Variants in PXMP2 observed in about 807,000 individuals in gnomAD.
PXMP2 encodes 22 kDa peroxisomal membrane protein.
PXMP2 carries 13 observed loss-of-function variants against 20.2 expected under a neutral mutation model. The observed-to-expected ratio is 0.64, with a 90% CI of 0.42 to 1.02. PXMP2 has a LOEUF of 1.02. PXMP2 is among the 50% of genes least tolerant of loss of function. The pLI is 0.00. For synonymous variants in PXMP2, 113 were observed against 111.2 expected (o/e 1.02, Z -0.10); for missense variants, 284 against 251.8 (o/e 1.13, Z -0.87).
chr12:132,687,842 C>T (rs1565987621), intron 1 of PXMP2, 50 bp downstream of exon 1: 1 of 1,116,050 alleles, frequency 9.0e-7, no homozygotes, highest in Non-Finnish European at 1.1e-6. Flanking sequence ...AGGTCGGCCG[C>T]AGCGGCGCGG....
chr12:132,692,540 G>T (rs61952124), intron 2 of PXMP2, among the ~76,000 whole-genome samples: 3,599 of 54,864 alleles, frequency 0.066, 69 homozygotes, highest in Non-Finnish European at 0.098. Flanking sequence ...GTTAGTGAGC[G>T]CCCTTGCCAG....
At position 132,687,732 on chromosome 12, in the gene PXMP2, C is replaced by G; in HGVS notation, c.62C>G (p.Ala21Gly). Reference sequence around the variant, plus strand: ...GGGCTCGGGGCGCTGCCGCGGCGGGCGCTCGCCCAGTACCTGCTCTTCCTG... The same window carrying G: ...GGGCTCGGGGCGCTGCCGCGGCGGGGGCTCGCCCAGTACCTGCTCTTCCTG... ...EAGLGALPRRALAQYLLFLRL... is the reference protein window; with the variant it reads ...EAGLGALPRRGLAQYLLFLRL... The change falls in exon 1 of 5, where the codon GCG becomes GGG. Residue 21 changes from alanine (A) to glycine (G), a missense_variant. Physicochemically the swap from Ala to Gly is moderately conservative, Grantham distance 60. Transcript: ENST00000317479. The G allele has an allele frequency of 1.6e-6, 2 of 1,217,152 alleles. No homozygotes were observed. Among genetic ancestry groups the G allele is most frequent in the South Asian group, 2.7e-5 (1 of 36,926 alleles). 75.4% of individuals were successfully genotyped at this position (1,217,152 alleles called of 1,614,324 possible). A position where few individuals can be genotyped will look rare whatever the true frequency, so the allele number is the denominator to read the frequency against.
At chr12:132,691,037 C>T (rs912919446) in intron 2 of PXMP2, among the ~76,000 whole-genome samples, 10 of 148,960 alleles carry the variant, frequency 6.7e-5, no homozygotes, top group Non-Finnish European at 1.5e-4. Context: ...CAGTTAGTTT[C>T]TATTGTTATT....
intron 2 of PXMP2, among the ~76,000 whole-genome samples, chr12:132,692,752 TGAGCTCCCTTAGC>T (rs1469393673): frequency 3.5e-4 from 40 of 113,398 alleles, no homozygotes; most frequent in South Asian, 6.5e-4. Context: ...AGCCAGTTAG[TGAGCTCCCTTAGC>T]TAGTTAGAGA....
chr12:132,699,797 G>T (rs931128687), intron 3 of PXMP2, among the ~76,000 whole-genome samples: 1 of 152,022 alleles, frequency 6.6e-6, no homozygotes, highest in South Asian at 2.1e-4. Flanking sequence ...TTGATTCCAC[G>T]TGTTTGCTGT....
chr12:132,692,941 G>T (rs1377324519), intron 2 of PXMP2, among the ~76,000 whole-genome samples: 12 of 84,022 alleles, frequency 1.4e-4, no homozygotes, highest in East Asian at 6.3e-4. Context: ...GTTAGTGAGC[G>T]CCCTTGCCAG....
intron 3 of PXMP2, among the ~76,000 whole-genome samples, chr12:132,698,250 T>A (rs1040352355): frequency 3.3e-5 from 5 of 152,166 alleles, no homozygotes; most frequent in African/African-American, 1.2e-4. Flanking sequence ...GACCTCGTGA[T>A]CCACCCGCCT....
chr12:132,689,572 G>A (rs766946299), intron 1 of PXMP2, among the ~76,000 whole-genome samples: 11 of 152,186 alleles, frequency 7.2e-5, no homozygotes, highest in African/African-American at 2.4e-4. Context: ...GGATCTGATC[G>A]AGAAGGTGTC....
intron 2 of PXMP2, among the ~76,000 whole-genome samples, chr12:132,692,346 C>G (rs568717068): frequency 3.2e-5 from 4 of 126,536 alleles, no homozygotes; most frequent in East Asian, 2.2e-4. Flanking sequence ...AGTGAGCGCC[C>G]TTAGCCAGTT....
chr12:132,694,690 A>AGCCAGTTAGTGAGCTCCTTT (rs2043399124), intron 2 of PXMP2, among the ~76,000 whole-genome samples: 1 of 120,242 alleles, frequency 8.3e-6, no homozygotes, highest in South Asian at 3.0e-4. Flanking sequence ...GAGCTCCCTT[A>AGCCAGTTAGTGAGCTCCTTT]GCCAGTTAGT....
rs762278243 is a variant in PXMP2 at position 132,687,751 on chromosome 12, C to T, written c.81C>T (p.Leu27=). 25 of 1,218,258 alleles carry T rather than the reference C, an allele frequency of 2.1e-5. No individual in the cohort carries two copies. The highest frequency in any genetic ancestry group is 4.8e-5 in the African/African-American group (3 of 62,490). The allele number at this position is 1,218,258 out of a possible 1,614,324, so 75.5% of individuals were successfully genotyped here. Residue 27 remains leucine, a synonymous_variant, in exon 1 of 5, where the codon CTC becomes CTT. Transcript: ENST00000317479. ...GGCGGGCGCTCGCCCAGTACCTGCT[C>T]TTCCTGCGGCTCTACCCGGTGCTCA... ...LPRRALAQYL[L]FLRLYPVLTK...
chr12:132,690,477 A>AT, intron 2 of PXMP2, 101 bp downstream of exon 2: 1 of 890,462 alleles, frequency 1.1e-6, no homozygotes, highest in South Asian at 1.7e-5. Flanking sequence ...TGGAAATATA[A>AT]TTTTTTAAAA....
chr12:132,687,629 AG>A lies in PXMP2; in HGVS notation c.-40del. On this transcript the variant is annotated 5_prime_UTR_variant, in exon 1 of 5. Coordinates refer to ENST00000317479, the MANE Select transcript of PXMP2 (RefSeq NM_018663.3). Reference sequence around the variant, plus strand: ...TCGGGCTCCGCGCCCGGCCAGCCTGAGGTGGGGTCGGTGCCCCCGGCGGCAC... The same window carrying A: ...TCGGGCTCCGCGCCCGGCCAGCCTGAGTGGGGTCGGTGCCCCCGGCGGCAC... 2.6e-6 allele frequency: 3 copies of A among 1,157,882 alleles called. No individual in the cohort carries two copies. The highest frequency in any genetic ancestry group is 2.1e-6 in the Non-Finnish European group (2 of 941,348). 71.7% of individuals were successfully genotyped at this position (1,157,882 alleles called of 1,614,324 possible).
chr12:132,687,788 AC>A lies in PXMP2; in HGVS notation c.120del (p.Ser41ValfsTer14). The A allele has an allele frequency of 8.6e-7, 1 of 1,160,698 alleles. No homozygotes were observed. The highest frequency in any genetic ancestry group is 1.1e-6 in the Non-Finnish European group (1 of 942,782). The allele number at this position is 1,160,698 out of a possible 1,614,324, so 71.9% of individuals were successfully genotyped here. A position where few individuals can be genotyped will look rare whatever the true frequency, so the allele number is the denominator to read the frequency against. ...CTACCCGGTGCTCACCAAGGCGGCC[AC>A]CAGGTGAGCGGGGGCGCGGGAATCG... ...RLYPVLTKAA[T>X]SGILSALGNF... On this transcript the variant is annotated frameshift_variant, in exon 1 of 5. Coordinates refer to ENST00000317479, the MANE Select transcript of PXMP2 (RefSeq NM_018663.3). LOFTEE classifies it high-confidence loss of function.
intron 2 of PXMP2, among the ~76,000 whole-genome samples, chr12:132,694,686 C>T (rs2043399039): frequency 7.4e-6 from 1 of 134,752 alleles, no homozygotes; most frequent in African/African-American, 2.8e-5. Flanking sequence ...TAGTGAGCTC[C>T]CTTAGCCAGT....
At chr12:132,695,180 C>T (rs984462926) in intron 2 of PXMP2, among the ~76,000 whole-genome samples, 21 of 151,906 alleles carry the variant, frequency 1.4e-4, no homozygotes, top group African/African-American at 5.1e-4. Context: ...TTAGTGAGCG[C>T]CCTTGACAGT....
At chr12:132,692,625 TTAGA>T (rs550206428) in intron 2 of PXMP2, among the ~76,000 whole-genome samples, 3 of 138,942 alleles carry the variant, frequency 2.2e-5, no homozygotes, top group African/African-American at 5.9e-5. Flanking sequence ...CCTTAGCCAG[TTAGA>T]TAGTGAGCGC....
chr12:132,687,929 G>A lies in PXMP2; in HGVS notation c.122+137G>A, dbSNP rs1396966882. The A allele has an allele frequency of 5.7e-6, 5 of 878,398 alleles. No homozygotes were observed. In the East Asian group the frequency reaches 3.3e-4, roughly 57 times the overall value. 54.4% of individuals were successfully genotyped at this position (878,398 alleles called of 1,614,324 possible). A position where few individuals can be genotyped will look rare whatever the true frequency, so the allele number is the denominator to read the frequency against. On this transcript the variant is annotated intron_variant, in intron 1 of 4. Transcript: ENST00000317479. ...AGAACCCCCGGAGCGGGCGCCCTCCGACCCGGCGCTGAACTTCCCGCGGCG... is the reference window on the plus strand; with the variant it reads ...AGAACCCCCGGAGCGGGCGCCCTCCAACCCGGCGCTGAACTTCCCGCGGCG...
intron 4 of PXMP2, chr12:132,702,481 T>G (rs907708272): frequency 2.2e-5 from 9 of 413,082 alleles, no homozygotes; most frequent in Non-Finnish European, 4.4e-5. Context: ...CAGCACCCCC[T>G]GCAGCATGGC....
Sources: gnomAD v4.1 joint callset for allele counts (sites outside exome capture counted in the v4.1 genomes callset) on GRCh38, gnomAD v4.1.1 for gene constraint, MANE v1.5 for transcripts, NCBI Gene and HGNC (gene_info 2026-07-23, HGNC 2026-07-21) for gene names.